The following ARPIN variants were observed in gnomAD, a reference collection of about 807,000 sequenced individuals.
The protein encoded by ARPIN is actin related protein 2/3 complex inhibitor, also known as UPF0552 protein C15orf38.
ARPIN carries 23 observed loss-of-function variants against 25.9 expected under a neutral mutation model. The ratio of observed to expected loss-of-function variants is 0.89; its 90% confidence interval spans 0.64 to 1.26. The LOEUF is 1.26. ARPIN is among the 50% of genes most tolerant of loss of function. The pLI is 0.00. For missense variants in ARPIN, 333 were observed against 312.2 expected (o/e 1.07, Z -0.50); for synonymous variants, 126 against 131.4 (o/e 0.96, Z 0.28).
At chr15:89,903,718 C>A (rs1596233279) in intron 4 of ARPIN, 59 bp downstream of exon 4, 1 of 1,596,092 alleles carries the variant, frequency 6.3e-7, no homozygotes, top group South Asian at 1.1e-5. Flanking sequence ...GAAGGGAGGC[C>A]AAGAGCCCCC....
Position 89,910,833 on chromosome 15 carries a change from G to A in ARPIN, c.93-14C>T. On this transcript the variant is annotated splice_polypyrimidine_tract_variant and intron_variant, in intron 1 of 5. Coordinates refer to ENST00000357484, the MANE Select transcript of ARPIN (RefSeq NM_182616.4). ...ACACCATTTCCCCTGGGGATGAAAG[G>A]GAAAGAAAGGATAGCCAGTTTTGTC... 1 of 1,613,950 alleles carries A rather than the reference G, an allele frequency of 6.2e-7. No individual in the cohort carries two copies. The highest frequency in any genetic ancestry group is 8.5e-7 in the Non-Finnish European group (1 of 1,179,934).
chr15:89,912,665 C>G lies in ARPIN; in HGVS notation c.92+79G>C. 6 of 489,660 alleles carry G rather than the reference C, an allele frequency of 1.2e-5. 1 individual carries two copies. The highest frequency in any genetic ancestry group is 1.4e-4 in the East Asian group (1 of 7,000). 30.3% of individuals were successfully genotyped at this position (489,660 alleles called of 1,614,324 possible). On this transcript the variant is annotated intron_variant, in intron 1 of 5. Coordinates refer to ENST00000357484, the MANE Select transcript of ARPIN (RefSeq NM_182616.4). ...ACCCCAGTTTTCCCCCACCCGCATC[C>G]CACCCCCCCACCCGATCCTGTTGCG...
chr15:89,910,670 C>T, intron 2 of ARPIN, 74 bp downstream of exon 2: 2 of 1,593,296 alleles, frequency 1.3e-6, no homozygotes, highest in Non-Finnish European at 1.7e-6. Flanking sequence ...AAGGACCCAG[C>T]ACAAGGAGAT....
intron 4 of ARPIN, 151 bp from the exon 5 acceptor site, chr15:89,903,530 C>T: frequency 2.1e-6 from 3 of 1,415,988 alleles, no homozygotes; most frequent in Non-Finnish European, 2.8e-6. Flanking sequence ...GGTGGGACCC[C>T]CAAGGTATGG....
At chr15:89,906,526 G>A (rs1446675033) in intron 3 of ARPIN, among the ~76,000 whole-genome samples, 1 of 152,102 alleles carries the variant, frequency 6.6e-6, no homozygotes, top group Non-Finnish European at 1.5e-5. Context: ...CACCCTTCAC[G>A]GGATCCAGGC....
intron 1 of ARPIN, 81 bp downstream of exon 1, chr15:89,912,663 T>TTTGGGCCCC: frequency 2.3e-6 from 2 of 871,078 alleles, no homozygotes; most frequent in Non-Finnish European, 2.8e-6. Context: ...CCCACCCGCA[T>TTTGGGCCCC]CCCACCCCCC....
At chr15:89,908,808 C>G (rs1025795653) in intron 2 of ARPIN, among the ~76,000 whole-genome samples, 10 of 152,030 alleles carry the variant, frequency 6.6e-5, no homozygotes, top group African/African-American at 2.4e-4. Context: ...ATGGTGAAAC[C>G]CTGTCTCCAT....
At chr15:89,912,703 G>A (rs1897248251) in intron 1 of ARPIN, 41 bp downstream of exon 1, 2 of 1,299,124 alleles carry the variant, frequency 1.5e-6, no homozygotes, top group Non-Finnish European at 2.0e-6. Flanking sequence ...GTTCGAGCCG[G>A]GGCAGGGGAG....
rs926385087 is a variant in ARPIN, at chr15:89,904,036, C to T, written c.302-53G>A. On this transcript the variant is annotated intron_variant, in intron 3 of 5. Transcript: ENST00000357484. ...TTATCACTGTGGCAGCAAGAACTTC[C>T]GGAGGGCCTCTCAGGAGCCAGGTGA... The T allele has an allele frequency of 8.4e-6, 13 of 1,549,030 alleles. No individual in the cohort carries two copies. The Admixed American group carries it at 8.8e-5, about 11-fold the overall frequency.
rs1339959081 is a variant in ARPIN, at chr15:89,908,377, G to A, written c.204C>T (p.His68=). 2 of 1,614,188 alleles carry A rather than the reference G, an allele frequency of 1.2e-6. No homozygotes were observed. The highest frequency in any genetic ancestry group is 1.3e-5 in the African/African-American group (1 of 75,034). The change falls in exon 3 of 6, where the codon CAC becomes CAT. Residue 68 remains histidine, a synonymous_variant. Coordinates refer to ENST00000357484, the MANE Select transcript of ARPIN (RefSeq NM_182616.4). ...TGGCGTCGAATTTACGGCGATGGAT[G>A]TGACTGGGCCGGATATACAGCACGT... The part of the protein sequence containing the change: ...RYYVLYIRPS[H]IHRRKFDAKG...
rs1320670459 is a variant in ARPIN at position 89,910,789 on chromosome 15, C to G, written c.123G>C (p.Leu41=). The G allele has an allele frequency of 1.9e-6, 3 of 1,614,072 alleles. No individual in the cohort carries two copies. In the African/African-American group the frequency reaches 4.0e-5, roughly 22 times the overall value. The stretch of plus-strand genomic sequence containing the variant: ...AGATGCTGTGCCGAGATACATCGAT[C>G]AGTTCTCCCTCCAGCAGGACACCAT... The part of the protein sequence containing the change: ...GGNGVLLEGE[L]IDVSRHSILD... The change falls in exon 2 of 6, where the codon CTG becomes CTC. Residue 41 remains leucine, a synonymous_variant. Coordinates refer to ENST00000357484, the MANE Select transcript of ARPIN (RefSeq NM_182616.4).
chr15:89,910,933 C>A, intron 1 of ARPIN, 114 bp from the exon 2 acceptor site: 1 of 1,260,646 alleles, frequency 7.9e-7, no homozygotes, highest in African/African-American at 1.5e-5. Flanking sequence ...AGCTCCTTTC[C>A]CCGTGCTTCC....
chr15:89,907,509 C>T (rs73480046), intron 3 of ARPIN, among the ~76,000 whole-genome samples: 4,046 of 152,276 alleles, frequency 0.027, 142 homozygotes, highest in African/African-American at 0.079. Context: ...GAAGAGAGAG[C>T]CGCCTTGCCT....
intron 3 of ARPIN, among the ~76,000 whole-genome samples, chr15:89,906,315 C>G (rs1897119324): frequency 6.6e-6 from 1 of 152,144 alleles, no homozygotes; most frequent in African/African-American, 2.4e-5. Context: ...CTCCTCAGTG[C>G]CCGCCCCTCC....
In ARPIN at chr15:89,899,812, T is replaced by G. The variant is rs1340864365; in HGVS notation, c.*1983A>C. The G allele has an allele frequency of 6.6e-6, 1 of 152,258 alleles. No individual in the cohort carries two copies. The highest frequency in any genetic ancestry group is 2.4e-5 in the African/African-American group (1 of 41,404). The allele number at this position is 152,258 out of a possible 1,614,324, so 9.4% of individuals were successfully genotyped here. A position where few individuals can be genotyped will look rare whatever the true frequency, so the allele number is the denominator to read the frequency against. ...TCACTGGCTTCCAGGATGTTAAGGA[T>G]AAAGTCCCCAATTCCTTAACATGCG... On this transcript the variant is annotated 3_prime_UTR_variant, in exon 6 of 6. Transcript: ENST00000357484.
chr15:89,910,872 T>C (rs1897211208), intron 1 of ARPIN, 53 bp from the exon 2 acceptor site: 2 of 1,603,278 alleles, frequency 1.2e-6, no homozygotes, highest in Non-Finnish European at 1.7e-6. Context: ...CCTCAGCAAA[T>C]CTCACCCGTG....
At position 89,908,459 on chromosome 15, in the gene ARPIN, C is replaced by T. The variant is rs903684908; in HGVS notation, c.169-47G>A. The T allele has an allele frequency of 3.7e-6, 6 of 1,606,424 alleles. No individual in the cohort carries two copies. In the South Asian group the frequency reaches 5.5e-5, roughly 15 times the overall value. On this transcript the variant is annotated intron_variant, in intron 2 of 5. Transcript: ENST00000357484. ...GTGAGGGGGCGGCTTCATCCCACAA[C>T]ACACACACTCTGGGCTCCGGCTGCA... is the stretch of plus-strand genomic sequence containing the variant.
In ARPIN at chr15:89,912,761, G is replaced by A. The variant is rs1303644995; in HGVS notation, c.75C>T (p.Asp25=). 6.7e-7 allele frequency: 1 copy of A among 1,493,944 alleles called. No individual in the cohort carries two copies. Among genetic ancestry groups the A allele is most frequent in the East Asian group, 2.8e-5 (1 of 35,446 alleles). The allele number at this position is 1,493,944 out of a possible 1,614,324, so 92.5% of individuals were successfully genotyped here. A position where few individuals can be genotyped will look rare whatever the true frequency, so the allele number is the denominator to read the frequency against. Residue 25 remains aspartate (D), a synonymous_variant, in exon 1 of 6, where the codon GAC becomes GAT. Transcript: ENST00000357484. ...AGGCCTACCCCTGGTGGGCGGCGGG[G>A]TCCCAGGCCCCTGGCAGCCGGACGC... ...VQSVRLPGAW[D]PAAHQGGNGV...
chr15:89,902,193 G>A (rs897362897), intron 5 of ARPIN, among the ~76,000 whole-genome samples: 4 of 152,150 alleles, frequency 2.6e-5, no homozygotes, highest in African/African-American at 9.7e-5. Flanking sequence ...TGGATCACCC[G>A]AGGTCGGGAA....
Sources: allele counts gnomAD v4.1 joint callset (sites outside exome capture counted in the v4.1 genomes callset), GRCh38; gene constraint gnomAD v4.1.1; transcripts MANE v1.5; gene names NCBI Gene and HGNC (gene_info 2026-07-23, HGNC 2026-07-21).